ZNF770: variants seen among roughly 807,000 people sequenced by gnomAD.
ZNF770 encodes the protein zinc finger protein 770.
In ZNF770, 13 loss-of-function variants were observed where a neutral mutation model predicts 44.8. The ratio of observed to expected loss-of-function variants is 0.29; its 90% CI spans 0.19 to 0.46. The LOEUF (loss-of-function observed/expected upper bound fraction) is 0.46, where lower values mean the gene tolerates loss of function less well. Ranked by LOEUF, ZNF770 falls within the 20% of genes least tolerant of loss-of-function variation. ZNF770 has a pLI of 1.00. For missense variants in ZNF770, 681 were observed against 797.9 expected, an observed-to-expected ratio of 0.85 and a Z score of 1.77; for synonymous variants, 304 against 271.8, an observed-to-expected ratio of 1.12 and a Z score of -1.17.
In ZNF770 at chr15:34,983,503, G is replaced by T; in HGVS notation, c.-56-13C>A. On this transcript the variant is annotated splice_polypyrimidine_tract_variant and intron_variant, in intron 2 of 2. Transcript: ENST00000356321. Reference sequence around the variant, plus strand: ...ATTCCACAGATGTCTAAAAATTAAAGGAAAAAAAGTATTAATTTTAAAATT... The same window carrying T: ...ATTCCACAGATGTCTAAAAATTAAATGAAAAAAAGTATTAATTTTAAAATT... 8.0e-7 allele frequency: 1 copy of T among 1,242,904 alleles called. No homozygotes were observed. The highest frequency in any genetic ancestry group is 2.8e-5 in the East Asian group (1 of 35,670). 77.0% of individuals were successfully genotyped at this position (1,242,904 alleles called of 1,614,324 possible).
In ZNF770 at chr15:34,982,741, G is replaced by C; in HGVS notation, c.694C>G (p.Leu232Val). ...QKGFKIQSKL[L>V]KHKQIHTRNK... ...CTAGTATGGATTTGTTTATGCTTCA[G>C]AAGTTTGCTTTGAATCTTAAATCCT... The change falls in exon 3 of 3, where the codon CTG (leucine) becomes GTG (valine). Residue 232 changes from leucine to valine, a missense_variant. Coordinates refer to ENST00000356321, the MANE Select transcript of ZNF770 (RefSeq NM_014106.4). 3.1e-6 allele frequency: 5 copies of C among 1,613,856 alleles called. No individual in the cohort carries two copies. The highest frequency in any genetic ancestry group is 4.2e-6 in the Non-Finnish European group (5 of 1,179,960).
At position 34,983,449 on chromosome 15, in the gene ZNF770, T is replaced by C. The variant is rs756240341; in HGVS notation, c.-15A>G. The C allele has an allele frequency of 5.6e-5, 85 of 1,526,140 alleles. No individual in the cohort carries two copies. The highest frequency in any genetic ancestry group is 1.9e-4 in the Admixed American group (9 of 47,076). 94.5% of individuals were successfully genotyped at this position (1,526,140 alleles called of 1,614,324 possible). A position where few individuals can be genotyped will look rare whatever the true frequency, so the allele number is the denominator to read the frequency against. ...TCAGCCATCATATTCTTCAATGATA[T>C]ACTCTGATGAGCTCCATACTGTTCT... On this transcript the variant is annotated 5_prime_UTR_variant, in exon 3 of 3. Coordinates refer to ENST00000356321, the MANE Select transcript of ZNF770 (RefSeq NM_014106.4).
rs1409156609 is a variant in ZNF770, at chr15:34,980,231, A to G, written c.*1128T>C. ...AGATCTCTAGAATAGTCTTAAGTCT[A>G]TGACTACTGCTATCATTAATGAGCA... is the stretch of plus-strand genomic sequence containing the variant. On this transcript the variant is annotated 3_prime_UTR_variant, in exon 3 of 3. Transcript: ENST00000356321. 1 of 152,286 alleles carries G rather than the reference A, an allele frequency of 6.6e-6. No individual in the cohort carries two copies. Among genetic ancestry groups the G allele is most frequent in the Non-Finnish European group, 1.5e-5 (1 of 68,082 alleles). The allele number at this position is 152,286 out of a possible 1,614,324, so 9.4% of individuals were successfully genotyped here. A position where few individuals can be genotyped will look rare whatever the true frequency, so the allele number is the denominator to read the frequency against.
intron 1 of ZNF770, among the ~76,000 whole-genome samples, 191 bp downstream of exon 1, chr15:34,987,925 G>A (rs1356617224): frequency 1.3e-5 from 2 of 152,180 alleles, no homozygotes; most frequent in South Asian, 2.1e-4. Flanking sequence ...GGTAAAAACT[G>A]CTTTGGCTGC....
At chr15:34,987,945 G>A (rs1464698883) in intron 1 of ZNF770, among the ~76,000 whole-genome samples, 171 bp downstream of exon 1, 2 of 152,174 alleles carry the variant, frequency 1.3e-5, no homozygotes, top group Non-Finnish European at 1.5e-5. Context: ...CAGCCAGGAT[G>A]AAAACGCCAC....
Position 34,979,815 on chromosome 15 carries a change from G to A in ZNF770, c.*1544C>T, listed in dbSNP as rs1375873106. On this transcript the variant is annotated 3_prime_UTR_variant, in exon 3 of 3. Transcript: ENST00000356321. ...CCTCTTTTCAGCTTAGAAACATAAC[G>A]GTTCATTCCTTTTATTGCTAGAGAA... 1.5e-5 allele frequency: 5 copies of A among 329,996 alleles called. No homozygotes were observed. The highest frequency in any genetic ancestry group is 6.7e-5 in the African/African-American group (3 of 44,566). 20.4% of individuals were successfully genotyped at this position (329,996 alleles called of 1,614,324 possible).
Position 34,983,300 on chromosome 15 carries a change from G to A in ZNF770, c.135C>T (p.His45=), listed in dbSNP as rs1286426758. 7 of 1,613,346 alleles carry A rather than the reference G, an allele frequency of 4.3e-6. No individual in the cohort carries two copies. Among genetic ancestry groups the A allele is most frequent in the African/African-American group, 1.3e-5 (1 of 74,922 alleles). The part of the protein sequence containing the change: ...HFETPSKLAR[H]YLIHTGQKPF... Reference sequence around the variant, plus strand: ...GCTTTTGACCAGTATGAATGAGATAGTGCCTAGCTAATTTTGATGGTGTTT... The same window carrying A: ...GCTTTTGACCAGTATGAATGAGATAATGCCTAGCTAATTTTGATGGTGTTT... The change falls in exon 3 of 3, where the codon CAC becomes CAT. Residue 45 remains histidine, a synonymous_variant. Coordinates refer to ENST00000356321, the MANE Select transcript of ZNF770 (RefSeq NM_014106.4).
chr15:34,985,731 T>C (rs1299520760), intron 2 of ZNF770, among the ~76,000 whole-genome samples: 3 of 151,932 alleles, frequency 2.0e-5, no homozygotes, highest in Admixed American at 2.0e-4. Flanking sequence ...CTGTCTCTAC[T>C]AAAAATACAA....
Position 34,981,882 on chromosome 15 carries a change from A to T in ZNF770, c.1553T>A (p.Leu518Ter). Residue 518 changes from leucine to a stop codon, truncating the protein, a stop_gained, in exon 3 of 3, where the codon TTA becomes TAA. Transcript: ENST00000356321. LOFTEE classifies it high-confidence loss of function. ...ATTATGAGTCTGTTCATGTCTTTTT[A>T]AGTGAGCTGACTGTCTAAAAGATTT... ...CGKSFRQSAH[L>*]KRHEQTHNEK... The T allele has an allele frequency of 6.2e-7, 1 of 1,613,996 alleles. No individual in the cohort carries two copies. Among genetic ancestry groups the T allele is most frequent in the Non-Finnish European group, 8.5e-7 (1 of 1,180,028 alleles).
Position 34,982,056 on chromosome 15 carries a change from C to T in ZNF770, c.1379G>A (p.Gly460Asp). ...TATGTTTTCCCTTGGAACTGAAAAA[C>T]CACACTGAAGTACCTCACAGTTATT... ...FFNNCEVLQC[G>D]FSVPRENIRT... The change falls in exon 3 of 3, where the codon GGT becomes GAT. Residue 460 changes from glycine to aspartate, a missense_variant. Around this residue, in one of 5 missense-constraint regions of ZNF770, gnomAD observed 432 missense variants for 434.1 expected, o/e 1.00. Coordinates refer to ENST00000356321, the MANE Select transcript of ZNF770 (RefSeq NM_014106.4). 1 of 1,613,694 alleles carries T rather than the reference C, an allele frequency of 6.2e-7. No individual in the cohort carries two copies. Among genetic ancestry groups the T allele is most frequent in the African/African-American group, 1.3e-5 (1 of 75,050 alleles).
chr15:34,987,275 T>A (rs1432849095), intron 2 of ZNF770, among the ~76,000 whole-genome samples: 1 of 152,200 alleles, frequency 6.6e-6, no homozygotes, highest in East Asian at 1.9e-4. Context: ...GGAAAAGCAC[T>A]TACTGGGAGC....
At chr15:34,987,337 T>A (rs574590035) in intron 2 of ZNF770, among the ~76,000 whole-genome samples, 27 of 152,368 alleles carry the variant, frequency 1.8e-4, no homozygotes, top group African/African-American at 6.5e-4. Context: ...CTCCTGTTTA[T>A]GAGAGTCAGG....
At position 34,982,946 on chromosome 15, in the gene ZNF770, T is replaced by C; in HGVS notation, c.489A>G (p.Thr163=). The C allele has an allele frequency of 6.2e-7, 1 of 1,614,090 alleles. No individual in the cohort carries two copies. Among genetic ancestry groups the C allele is most frequent in the East Asian group, 2.2e-5 (1 of 44,874 alleles). ...GTGATGGAAACATCTTGCCACAGAT[T>C]GTACATGCATGAATATTCTTTCTTC... ...MKRRKNIHAC[T]ICGKMFPSQS... The change falls in exon 3 of 3, where the codon ACA becomes ACG. Residue 163 remains threonine (T), a synonymous_variant. Coordinates refer to ENST00000356321, the MANE Select transcript of ZNF770 (RefSeq NM_014106.4).
At chr15:34,983,817 G>A (rs1303058444) in intron 2 of ZNF770, among the ~76,000 whole-genome samples, 3 of 152,040 alleles carry the variant, frequency 2.0e-5, no homozygotes, top group Non-Finnish European at 1.5e-5. Flanking sequence ...TCATTATTAG[G>A]TAGATTTGCC....
At chr15:34,986,486 T>G (rs976222748) in intron 2 of ZNF770, among the ~76,000 whole-genome samples, 1 of 152,148 alleles carries the variant, frequency 6.6e-6, no homozygotes, top group Non-Finnish European at 1.5e-5. Context: ...ATGAATCCAG[T>G]GAACTGCAAA....
chr15:34,982,943 G>C lies in ZNF770; in HGVS notation c.492C>G (p.Ile164Met). 1 of 1,614,032 alleles carries C rather than the reference G, an allele frequency of 6.2e-7. No homozygotes were observed. Among genetic ancestry groups the C allele is most frequent in the Non-Finnish European group, 8.5e-7 (1 of 1,179,984 alleles). ...KRRKNIHACT[I>M]CGKMFPSQSK... ...ACTGTGATGGAAACATCTTGCCACAGATTGTACATGCATGAATATTCTTTC... is the reference window on the plus strand; with the variant it reads ...ACTGTGATGGAAACATCTTGCCACACATTGTACATGCATGAATATTCTTTC... Residue 164 changes from isoleucine (I) to methionine (M), a missense_variant, in exon 3 of 3, where the codon ATC (isoleucine) becomes ATG (methionine). By Grantham distance (10) the Ile-to-Met change is conservative. This residue lies in a region of ZNF770 where 432 missense variants were observed against 434.1 expected (regional missense o/e 1.00). Transcript: ENST00000356321.
rs141323293 is a variant in ZNF770, at chr15:34,981,666, C to A, written c.1769G>T (p.Gly590Val). The A allele has an allele frequency of 4.3e-4, 702 of 1,614,054 alleles. 2 individuals are homozygous for A. In the African/African-American group the frequency reaches 8.6e-3, roughly 20 times the overall value. The change falls in exon 3 of 3, where the codon GGT (glycine) becomes GTT (valine). Residue 590 changes from glycine to valine, a missense_variant. Transcript: ENST00000356321. ...AGGAAGACAGGGTTGCCCGGTGCTA[C>A]CAGGAATAAAATCCTGTGACTCTGC... ...VKAESQDFIP[G>V]STGQPCLPNV...
In ZNF770 at chr15:34,982,785, T is replaced by G; in HGVS notation, c.650A>C (p.Gln217Pro). 6.2e-7 allele frequency: 1 copy of G among 1,614,002 alleles called. No homozygotes were observed. The highest frequency in any genetic ancestry group is 8.5e-7 in the Non-Finnish European group (1 of 1,179,982). The change falls in exon 3 of 3, where the codon CAA becomes CCA. Residue 217 changes from glutamine (Q) to proline (P), a missense_variant. By Grantham distance (76) the Gln-to-Pro change is moderately conservative. Transcript: ENST00000356321. ...AAATCCTTTTTGACAAAAACAACAT[T>G]GAAAAGGTCTTTCTTCTGAATGTGT... ...QLTHSEERPF[Q>P]CCFCQKGFKI...
rs2050396541 is a variant in ZNF770 at position 34,980,828 on chromosome 15, TTTAG to T, written c.*527_*530del. 6.8e-6 allele frequency: 1 copy of T among 148,110 alleles called. No individual in the cohort carries two copies. The highest frequency in any genetic ancestry group is 2.6e-5 in the African/African-American group (1 of 38,730). 9.2% of individuals were successfully genotyped at this position (148,110 alleles called of 1,614,324 possible). ...TATAATTGTCTCATCCATTTTCACC[TTTAG>T]TGTCTCTGTAGTTTTTTTAACTTAC... is the stretch of plus-strand genomic sequence containing the variant. On this transcript the variant is annotated 3_prime_UTR_variant, in exon 3 of 3. Transcript: ENST00000356321.
Sources: allele counts gnomAD v4.1 joint callset (sites outside exome capture counted in the v4.1 genomes callset), GRCh38; gene constraint gnomAD v4.1.1; regional missense constraint gnomAD v4.1.1; transcripts MANE v1.5; gene names NCBI Gene and HGNC (gene_info 2026-07-23, HGNC 2026-07-21).